SORCS2: variants seen among roughly 807,000 people sequenced by gnomAD.
The protein encoded by SORCS2 is VPS10 domain-containing receptor SorCS2.
SORCS2 carries 100 observed loss-of-function variants against 141.6 expected under a neutral mutation model. That is an observed-to-expected ratio of 0.71 (90% CI 0.60 to 0.83). The LOEUF (loss-of-function observed/expected upper bound fraction) is 0.83. Ranked by LOEUF, SORCS2 falls within the 40% of genes least tolerant of loss-of-function variation. SORCS2 has a pLI of 0.00. For synonymous variants in SORCS2, 789 were observed against 676.9 expected (o/e 1.17, Z -2.57); for missense variants, 1,646 against 1,560.2 (o/e 1.05, Z -0.93).
intron 2 of SORCS2, among the ~76,000 whole-genome samples, chr4:7,524,111 G>A (rs550854172): frequency 4.6e-5 from 7 of 152,276 alleles, no homozygotes; most frequent in East Asian, 1.9e-4. Flanking sequence ...GAATAGAGTC[G>A]CCCCCAAAAT....
chr4:7,386,100 C>G (rs563501556), intron 1 of SORCS2, among the ~76,000 whole-genome samples: 3 of 152,262 alleles, frequency 2.0e-5, no homozygotes, highest in East Asian at 3.9e-4. Flanking sequence ...CACACATGCA[C>G]ACACACATGG....
intron 2 of SORCS2, among the ~76,000 whole-genome samples, chr4:7,496,352 T>C (rs1388791184): frequency 5.3e-5 from 8 of 152,036 alleles, no homozygotes; most frequent in Admixed American, 2.6e-4. Flanking sequence ...CGCCTGGGTC[T>C]GACTCCAAGG....
At chr4:7,617,723 A>G (rs1294926869) in intron 3 of SORCS2, among the ~76,000 whole-genome samples, 1 of 152,180 alleles carries the variant, frequency 6.6e-6, no homozygotes, top group Non-Finnish European at 1.5e-5. Context: ...CTTTTAGTTC[A>G]AGTTCAAAAT....
At chr4:7,566,209 G>C (rs1166813282) in intron 3 of SORCS2, among the ~76,000 whole-genome samples, 2 of 151,494 alleles carry the variant, frequency 1.3e-5, no homozygotes, top group African/African-American at 4.9e-5. Context: ...GGTGATGGTG[G>C]TGATGATGAC....
chr4:7,295,837 T>C (rs1460134704), intron 1 of SORCS2, among the ~76,000 whole-genome samples: 2 of 152,236 alleles, frequency 1.3e-5, no homozygotes, highest in Admixed American at 1.3e-4. Flanking sequence ...CCACCTGGGA[T>C]TGGCCAGGCT....
chr4:7,280,700 C>A (rs1434737108), intron 1 of SORCS2, among the ~76,000 whole-genome samples: 1 of 152,218 alleles, frequency 6.6e-6, no homozygotes, highest in Non-Finnish European at 1.5e-5. Flanking sequence ...TGCTCCGCAT[C>A]CTCGCCAGCA....
intron 1 of SORCS2, among the ~76,000 whole-genome samples, chr4:7,238,029 A>G (rs1560132002): frequency 6.6e-6 from 1 of 152,054 alleles, no homozygotes; most frequent in African/African-American, 2.4e-5. Flanking sequence ...GTCATCTGCA[A>G]TGTGAAGTGC....
intron 21 of SORCS2, among the ~76,000 whole-genome samples, chr4:7,727,656 C>A (rs566650775): frequency 6.6e-6 from 1 of 152,288 alleles, no homozygotes; most frequent in East Asian, 1.9e-4. Context: ...TTTGCAAATG[C>A]CATCACCACC....
intron 3 of SORCS2, among the ~76,000 whole-genome samples, chr4:7,584,358 G>A (rs773937681): frequency 3.9e-5 from 6 of 152,172 alleles, no homozygotes; most frequent in Admixed American, 1.3e-4. Context: ...GCCCAGTACT[G>A]GCTGTGCTTT....
intron 2 of SORCS2, among the ~76,000 whole-genome samples, chr4:7,519,717 G>T (rs1435812629): frequency 6.6e-6 from 1 of 152,228 alleles, no homozygotes; most frequent in Non-Finnish European, 1.5e-5. Flanking sequence ...GATCTCAGGG[G>T]AGGTCCCCGC....
chr4:7,208,402 G>A (rs1024284796), intron 1 of SORCS2, among the ~76,000 whole-genome samples: 1 of 152,182 alleles, frequency 6.6e-6, no homozygotes, highest in Non-Finnish European at 1.5e-5. Context: ...GGGGATTGGC[G>A]GGGAGGGAGG....
chr4:7,604,287 A>C (rs534574958), intron 3 of SORCS2, among the ~76,000 whole-genome samples: 1 of 152,250 alleles, frequency 6.6e-6, no homozygotes, highest in African/African-American at 2.4e-5. Context: ...TGGTAGTGAG[A>C]GAGTTTCACA....
At chr4:7,373,478 A>ATTTTTTTTTTTTTTTT (rs71173496) in intron 1 of SORCS2, among the ~76,000 whole-genome samples, 5 of 36,818 alleles carry the variant, frequency 1.4e-4, no homozygotes, top group Admixed American at 4.1e-4. Flanking sequence ...ATATATATAT[A>ATTTTTTTTTTTTTTTT]TTTTTTTTTT....
intron 3 of SORCS2, among the ~76,000 whole-genome samples, chr4:7,626,793 C>A (rs185757975): frequency 1.3e-5 from 2 of 152,166 alleles, no homozygotes; most frequent in East Asian, 3.9e-4. Context: ...TTCATCCTGT[C>A]CCGTCTTGTC....
At chr4:7,285,916 G>T (rs137870302) in intron 1 of SORCS2, among the ~76,000 whole-genome samples, 1 of 152,156 alleles carries the variant, frequency 6.6e-6, no homozygotes, top group Non-Finnish European at 1.5e-5. Context: ...GGAGCCTGGC[G>T]TGAGGCCGAC....
intron 1 of SORCS2, among the ~76,000 whole-genome samples, chr4:7,253,240 C>T (rs941721762): frequency 1.3e-5 from 2 of 152,236 alleles, no homozygotes; most frequent in African/African-American, 4.8e-5. Flanking sequence ...GCCCTCCCAA[C>T]AAGGTTTGCT....
At chr4:7,384,617 C>G (rs751164964) in intron 1 of SORCS2, among the ~76,000 whole-genome samples, 1 of 152,230 alleles carries the variant, frequency 6.6e-6, no homozygotes, top group African/African-American at 2.4e-5. Context: ...GGACATCTCT[C>G]AACCCAGCTG....
intron 2 of SORCS2, among the ~76,000 whole-genome samples, chr4:7,524,946 A>C (rs1386552351): frequency 1.3e-5 from 2 of 152,172 alleles, no homozygotes; most frequent in East Asian, 3.8e-4. Context: ...CTGTCCCCCG[A>C]GCACCCCTGG....
chr4:7,507,865 A>G lies in SORCS2; in HGVS notation c.549-23665A>G, dbSNP rs1345876714. Among the ~76,000 whole-genome samples, 5 of 152,338 alleles carry G rather than the reference A, an allele frequency of 3.3e-5. No homozygotes were observed. The East Asian group carries it at 9.6e-4, about 29-fold the overall frequency. On this transcript the variant is annotated intron_variant, in intron 2 of 26. Coordinates refer to ENST00000507866, the MANE Select transcript of SORCS2 (RefSeq NM_020777.3). The stretch of plus-strand genomic sequence containing the variant: ...AATTTTAGGCAGATCCAAGACATAA[A>G]AATTTTAAAAATCCAAATATTATTA...
Sources: allele counts gnomAD v4.1 joint callset (sites outside exome capture counted in the v4.1 genomes callset), GRCh38; gene constraint gnomAD v4.1.1; transcripts MANE v1.5; gene names NCBI Gene and HGNC (gene_info 2026-07-23, HGNC 2026-07-21).